The following RERGL variants were observed in gnomAD, a reference collection of about 807,000 sequenced individuals.
RERGL encodes the protein RERG like.
A neutral mutation model predicts 24.7 loss-of-function variants in RERGL; 22 were observed. The ratio of observed to expected loss-of-function variants is 0.89; its 90% CI spans 0.64 to 1.27. RERGL has a LOEUF of 1.27. Ranked by LOEUF, RERGL falls within the 50% of genes most tolerant of loss-of-function variation. The probability of loss-of-function intolerance (pLI) is 0.00; values close to 1 mark genes in which losing one functional copy is unlikely to be tolerated. For missense variants in RERGL, 259 were observed against 235.3 expected, an observed-to-expected ratio of 1.10 and a Z score of -0.66; for synonymous variants, 76 against 82.6, an observed-to-expected ratio of 0.92 and a Z score of 0.43.
At chr12:18,089,321 G>T in intron 1 of RERGL, 1 of 1,567,362 alleles carries the variant, frequency 6.4e-7, no homozygotes, top group South Asian at 1.2e-5. Context: ...CTGGCTTCAA[G>T]GTACTATGTG....
rs368363188 is a variant in RERGL, at chr12:18,081,519, CTTT to C, written c.333-49_333-47del. On this transcript the variant is annotated intron_variant, in intron 4 of 4. Transcript: ENST00000538724. Reference sequence around the variant, plus strand: ...TTTTAGCAAGATTGTTTTAACAACTCTTTTTTTTAAAAAAAAAAAAAAAACAGA... The same window carrying C: ...TTTTAGCAAGATTGTTTTAACAACTCTTTTTAAAAAAAAAAAAAAAACAGA... 77 of 932,526 alleles carry C rather than the reference CTTT, an allele frequency of 8.3e-5. No individual in the cohort carries two copies. In the African/African-American group the frequency reaches 9.8e-4, roughly 12 times the overall value. The allele number at this position is 932,526 out of a possible 1,614,324, so 57.8% of individuals were successfully genotyped here.
intron 4 of RERGL, among the ~76,000 whole-genome samples, chr12:18,082,704 C>T (rs1947185238): frequency 6.6e-6 from 1 of 152,064 alleles, no homozygotes; most frequent in Non-Finnish European, 1.5e-5. Flanking sequence ...TATAATTGAA[C>T]AATTTAGACA....
chr12:18,088,754 C>T (rs1947242606), intron 2 of RERGL, 146 bp downstream of exon 2: 2 of 632,528 alleles, frequency 3.2e-6, no homozygotes, highest in African/African-American at 1.9e-5. Context: ...CCTATTTTGG[C>T]AGTTCTAATC....
chr12:18,086,569 T>C (rs1306147313), intron 2 of RERGL, among the ~76,000 whole-genome samples: 1 of 152,176 alleles, frequency 6.6e-6, no homozygotes, highest in Non-Finnish European at 1.5e-5. Context: ...AAGGCAACAC[T>C]GTCTCCAGTT....
chr12:18,081,539 A>C (rs140237986), intron 4 of RERGL, 66 bp from the exon 5 acceptor site: 18 of 1,372,878 alleles, frequency 1.3e-5, no homozygotes, highest in East Asian at 4.9e-5. Flanking sequence ...AAAAAAAAAA[A>C]AAAACAGATT....
chr12:18,080,895 C>T lies in RERGL; in HGVS notation c.*296G>A. Reference sequence around the variant, plus strand: ...ATGGCATGGTCGTTTAATAAATTCACATAAACAGAGTTTATTTGGCAAGGC... The same window carrying T: ...ATGGCATGGTCGTTTAATAAATTCATATAAACAGAGTTTATTTGGCAAGGC... On this transcript the variant is annotated 3_prime_UTR_variant, in exon 5 of 5. Coordinates refer to ENST00000538724, the MANE Select transcript of RERGL (RefSeq NM_001286201.2). 4.6e-6 allele frequency: 1 copy of T among 217,560 alleles called. No homozygotes were observed. Among genetic ancestry groups the T allele is most frequent in the Non-Finnish European group, 9.1e-6 (1 of 109,930 alleles). 13.5% of individuals were successfully genotyped at this position (217,560 alleles called of 1,614,324 possible). A position where few individuals can be genotyped will look rare whatever the true frequency, so the allele number is the denominator to read the frequency against.
intron 1 of RERGL, 196 bp from the exon 2 acceptor site, chr12:18,089,152 G>T: frequency 7.8e-7 from 1 of 1,286,862 alleles, no homozygotes; most frequent in Non-Finnish European, 1.1e-6. Context: ...AAGTTAGAAA[G>T]GAAGTGATCT....
chr12:18,088,835 C>G, intron 2 of RERGL, 65 bp downstream of exon 2: 3 of 1,001,798 alleles, frequency 3.0e-6, no homozygotes, highest in South Asian at 1.3e-5. Context: ...CATCTCTGTA[C>G]TTAAGTGGGA....
chr12:18,086,024 AT>A (rs577015041), intron 2 of RERGL, among the ~76,000 whole-genome samples: 8,795 of 124,952 alleles, frequency 0.07, 605 homozygotes, highest in African/African-American at 0.2. Flanking sequence ...CGCCTGGCCA[AT>A]TTTTTTTTTT....
At chr12:18,087,374 C>T (rs1947230474) in intron 2 of RERGL, among the ~76,000 whole-genome samples, 1 of 152,164 alleles carries the variant, frequency 6.6e-6, no homozygotes, top group South Asian at 2.1e-4. Context: ...TGTTTTCAGC[C>T]AGTTTCTTCT....
At chr12:18,089,034 G>A in intron 1 of RERGL, 78 bp from the exon 2 acceptor site, 1 of 1,250,958 alleles carries the variant, frequency 8.0e-7, no homozygotes, top group Non-Finnish European at 1.1e-6. Flanking sequence ...TAAGGCTTTA[G>A]TTCTTAAACC....
In RERGL at chr12:18,084,677, C is replaced by A; in HGVS notation, c.184-12G>T. 1.2e-6 allele frequency: 2 copies of A among 1,604,750 alleles called. No homozygotes were observed. The highest frequency in any genetic ancestry group is 1.1e-5 in the South Asian group (1 of 89,466). ...TTTGCTTTCTGTGTCTGAAAATAAA[C>A]CAAGTGCATTAAAAGTGGTGGGATC... is the stretch of plus-strand genomic sequence containing the variant. On this transcript the variant is annotated splice_polypyrimidine_tract_variant and intron_variant, in intron 3 of 4. Transcript: ENST00000538724.
chr12:18,089,989 A>G (rs1947254856), intron 1 of RERGL, 100 bp downstream of exon 1: 4 of 747,046 alleles, frequency 5.4e-6, no homozygotes, highest in East Asian at 5.9e-5. Flanking sequence ...ATATTTTCAT[A>G]TATATGAAAT....
chr12:18,086,747 A>G (rs1947225718), intron 2 of RERGL, among the ~76,000 whole-genome samples: 1 of 152,076 alleles, frequency 6.6e-6, no homozygotes, highest in African/African-American at 2.4e-5. Context: ...TTACATGCCA[A>G]TTATTTCTGA....
intron 2 of RERGL, among the ~76,000 whole-genome samples, chr12:18,087,892 C>T (rs996333161): frequency 6.6e-5 from 10 of 152,096 alleles, no homozygotes; most frequent in African/African-American, 2.2e-4. Context: ...TTTCTATAAT[C>T]AGCTTTCAAG....
chr12:18,081,500 C>G, intron 4 of RERGL, 27 bp from the exon 5 acceptor site: 6 of 1,386,098 alleles, frequency 4.3e-6, no homozygotes, highest in South Asian at 1.8e-5. Flanking sequence ...CAATTTTTAG[C>G]AAGATTGTTT....
chr12:18,085,495 A>G, intron 3 of RERGL, 125 bp downstream of exon 3: 1 of 635,528 alleles, frequency 1.6e-6, no homozygotes, highest in Non-Finnish European at 2.7e-6. Context: ...AAATGAGAAG[A>G]AACTTCGGTT....
chr12:18,089,893 A>G (rs1017416489), intron 1 of RERGL, among the ~76,000 whole-genome samples, 196 bp downstream of exon 1: 5 of 152,104 alleles, frequency 3.3e-5, no homozygotes, highest in Non-Finnish European at 2.9e-5. Flanking sequence ...TATTCTATAA[A>G]CATACAGTTA....
intron 2 of RERGL, among the ~76,000 whole-genome samples, chr12:18,087,180 C>T (rs1310513136): frequency 1.3e-5 from 2 of 152,068 alleles, no homozygotes; most frequent in Non-Finnish European, 2.9e-5. Context: ...CCTCTAACAC[C>T]CTTCCTGTTT....
Sources: gnomAD v4.1 joint callset for allele counts (sites outside exome capture counted in the v4.1 genomes callset) on GRCh38, gnomAD v4.1.1 for gene constraint, MANE v1.5 for transcripts, NCBI Gene and HGNC (gene_info 2026-07-23, HGNC 2026-07-21) for gene names.